The following DCUN1D2 variants were observed in gnomAD, a reference collection of about 807,000 sequenced individuals.
The protein encoded by DCUN1D2 is DCN1-like protein 2.
DCUN1D2 carries 29 observed loss-of-function variants against 30.9 expected under a neutral mutation model. That is an observed-to-expected ratio of 0.94 (90% CI 0.70 to 1.28). The LOEUF is 1.28. DCUN1D2 is among the 50% of genes most tolerant of loss of function. The probability of loss-of-function intolerance (pLI) is 0.00; values close to 1 mark genes in which losing one functional copy is unlikely to be tolerated. For missense variants in DCUN1D2, 325 were observed against 316.9 expected (o/e 1.03, Z -0.19); for synonymous variants, 121 against 115.3 (o/e 1.05, Z -0.32).
At chr13:113,481,865 C>CA (rs60598722) in intron 2 of DCUN1D2, among the ~76,000 whole-genome samples, 1,607 of 111,936 alleles carry the variant, frequency 0.014, 18 homozygotes, top group Non-Finnish European at 0.022. Flanking sequence ...GCCTGGGTGA[C>CA]AAAAAAAAAA....
chr13:113,486,317 A>G (rs2044802537), intron 1 of DCUN1D2, among the ~76,000 whole-genome samples: 1 of 152,142 alleles, frequency 6.6e-6, no homozygotes, highest in Non-Finnish European at 1.5e-5. Flanking sequence ...CGTGGACACA[A>G]AAAAGGACCA....
intron 4 of DCUN1D2, 47 bp from the exon 5 acceptor site, chr13:113,461,183 T>C (rs764391982): frequency 1.0e-4 from 132 of 1,257,206 alleles, no homozygotes; most frequent in Non-Finnish European, 1.4e-4. Flanking sequence ...ACTCTCTTTT[T>C]CTACTGCACA....
At chr13:113,475,599 C>A (rs1172201116) in intron 3 of DCUN1D2, among the ~76,000 whole-genome samples, 2 of 152,138 alleles carry the variant, frequency 1.3e-5, no homozygotes, top group Non-Finnish European at 2.9e-5. Flanking sequence ...TCAAGGGTGG[C>A]GGCTGGGCCA....
chr13:113,457,422 A>G lies in DCUN1D2; in HGVS notation c.*607T>C, dbSNP rs1031198905. The stretch of plus-strand genomic sequence containing the variant: ...CTACATGGGGATTGAGAACCATAAA[A>G]TGATTTTCAGATGAATGTCTAGAGA... On this transcript the variant is annotated 3_prime_UTR_variant, in exon 7 of 7. Coordinates refer to ENST00000478244, the MANE Select transcript of DCUN1D2 (RefSeq NM_001014283.2). 1.3e-5 allele frequency: 2 copies of G among 152,228 alleles called. No homozygotes were observed. The highest frequency in any genetic ancestry group is 2.4e-5 in the African/African-American group (1 of 41,454). The allele number at this position is 152,228 out of a possible 1,614,324, so 9.4% of individuals were successfully genotyped here.
chr13:113,459,856 G>C (rs1418393177), intron 5 of DCUN1D2, among the ~76,000 whole-genome samples: 1 of 152,168 alleles, frequency 6.6e-6, no homozygotes, highest in African/African-American at 2.4e-5. Flanking sequence ...GTGTGTGAAT[G>C]TGCGTTCCTT....
intron 2 of DCUN1D2, among the ~76,000 whole-genome samples, chr13:113,481,402 A>C (rs751046135): frequency 1.1e-4 from 16 of 152,272 alleles, no homozygotes; most frequent in Middle Eastern, 3.2e-3. Context: ...TAAAGCTAGT[A>C]ATTTCAGACA....
chr13:113,486,130 G>A (rs919938882), intron 1 of DCUN1D2, among the ~76,000 whole-genome samples: 1 of 151,922 alleles, frequency 6.6e-6, no homozygotes, highest in African/African-American at 2.4e-5. Context: ...AAACATATAG[G>A]AAATGTGCTA....
At chr13:113,476,038 T>C (rs1366490031) in intron 3 of DCUN1D2, 1 of 152,286 alleles carries the variant, frequency 6.6e-6, no homozygotes, top group East Asian at 1.9e-4. Context: ...GGTTCGTTCC[T>C]GTGGGTATGC....
chr13:113,470,474 A>T (rs1370376694), intron 4 of DCUN1D2, among the ~76,000 whole-genome samples: 2 of 152,336 alleles, frequency 1.3e-5, no homozygotes, highest in South Asian at 2.1e-4. Context: ...GATAAAAAGG[A>T]CTGAGAGAAA....
In DCUN1D2 at chr13:113,471,838, G is replaced by T. The variant is rs755892929; in HGVS notation, c.520+2286C>A. Among the ~76,000 whole-genome samples, 26 of 152,272 alleles carry T rather than the reference G, an allele frequency of 1.7e-4. 1 individual carries two copies. The highest frequency in any genetic ancestry group is 3.4e-3 in the Middle Eastern group (1 of 294). On this transcript the variant is annotated intron_variant, in intron 4 of 6. Transcript: ENST00000478244. ...TACTGTCCCCAAAAGCACTTCCTGG[G>T]GATCCACTGGAGAATGAATTTCAAA...
At chr13:113,480,906 T>C (rs940298468) in intron 2 of DCUN1D2, among the ~76,000 whole-genome samples, 163 bp from the exon 3 acceptor site, 2 of 151,894 alleles carry the variant, frequency 1.3e-5, no homozygotes, top group Admixed American at 6.6e-5. Flanking sequence ...ATGAAAGAAA[T>C]AGTGAGCAAC....
Position 113,483,968 on chromosome 13 carries a change from G to C in DCUN1D2, c.92C>G (p.Thr31Arg). Reference protein sequence around the residue: ...AGERTAIYCLTQNEWRLDEAT... With the variant: ...AGERTAIYCLRQNEWRLDEAT... ...CTCGTCTAGTCTCCACTCATTCTGC[G>C]TTAAGCAGTAGATAGCAGTTCTCTC... Residue 31 changes from threonine (T) to arginine (R), a missense_variant, in exon 2 of 7, where the codon ACG (threonine) becomes AGG (arginine). By Grantham distance (71) the Thr-to-Arg change is moderately conservative. Transcript: ENST00000478244. 6.2e-7 allele frequency: 1 copy of C among 1,614,224 alleles called. No individual in the cohort carries two copies. The highest frequency in any genetic ancestry group is 8.5e-7 in the Non-Finnish European group (1 of 1,180,054).
chr13:113,481,938 A>G (rs982760952), intron 2 of DCUN1D2, among the ~76,000 whole-genome samples: 5 of 152,170 alleles, frequency 3.3e-5, no homozygotes, highest in South Asian at 4.2e-4. Context: ...CTATTCTCTT[A>G]TATCAGGGAG....
At chr13:113,482,838 G>C (rs1246013317) in intron 2 of DCUN1D2, among the ~76,000 whole-genome samples, 1 of 152,130 alleles carries the variant, frequency 6.6e-6, no homozygotes, top group Non-Finnish European at 1.5e-5. Flanking sequence ...AGCTACTTTG[G>C]AGGCTGAGGC....
intron 2 of DCUN1D2, among the ~76,000 whole-genome samples, chr13:113,483,313 C>T (rs1371241394): frequency 6.6e-6 from 1 of 152,152 alleles, no homozygotes; most frequent in East Asian, 1.9e-4. Context: ...TTCTTTGCTG[C>T]GAGCTTTTCC....
At chr13:113,477,164 T>A (rs1039123200) in intron 3 of DCUN1D2, among the ~76,000 whole-genome samples, 3 of 152,232 alleles carry the variant, frequency 2.0e-5, no homozygotes, top group Middle Eastern at 3.2e-3. Flanking sequence ...GCTTGTCAAA[T>A]TACACATAAA....
Position 113,459,331 on chromosome 13 carries a change from CAT to C in DCUN1D2, c.679_680del (p.Met227ValfsTer2). 2 of 1,592,546 alleles carry C rather than the reference CAT, an allele frequency of 1.3e-6. No homozygotes were observed. Among genetic ancestry groups the C allele is most frequent in the Non-Finnish European group, 1.7e-6 (2 of 1,160,512 alleles). ...LDFGNMIADDMSNYDEEGAWP... is the reference protein window; with the variant it reads ...LDFGNMIADDXSNYDEEGAWP... ...CGGTACCTTCTTCATCGTAGTTAGA[CAT>C]ATCATCCGCAATCATGTTTCCAAAG... On this transcript the variant is annotated frameshift_variant, in exon 6 of 7. Transcript: ENST00000478244. LOFTEE classifies it high-confidence loss of function.
Position 113,469,144 on chromosome 13 carries a change from GCACA to G in DCUN1D2, c.520+4976_520+4979del, listed in dbSNP as rs151101835. On this transcript the variant is annotated intron_variant, in intron 4 of 6. Transcript: ENST00000478244. ...CGACATTTCTGTCTACTACACGCCT[GCACA>G]CACACACACACACACACACACACAC... is the stretch of plus-strand genomic sequence containing the variant. Among the ~76,000 whole-genome samples, 1,209 of 148,102 alleles carry G rather than the reference GCACA, an allele frequency of 8.2e-3. 6 individuals are homozygous for G. Among genetic ancestry groups the G allele is most frequent in the African/African-American group, 0.011 (459 of 40,250 alleles).
At chr13:113,480,248 A>G (rs889816437) in intron 3 of DCUN1D2, among the ~76,000 whole-genome samples, 3 of 152,244 alleles carry the variant, frequency 2.0e-5, no homozygotes, top group Non-Finnish European at 4.4e-5. Context: ...CGTTTAATAT[A>G]CAGTATTATG....
Sources: gnomAD v4.1 joint callset for allele counts (sites outside exome capture counted in the v4.1 genomes callset) on GRCh38, gnomAD v4.1.1 for gene constraint, MANE v1.5 for transcripts, NCBI Gene and HGNC (gene_info 2026-07-23, HGNC 2026-07-21) for gene names.